The following NRG3 variants were observed in gnomAD, a reference collection of about 807,000 sequenced individuals.
NRG3 encodes pro-neuregulin-3, membrane-bound isoform.
NRG3 carries 31 observed loss-of-function variants against 66.9 expected under a neutral mutation model. The ratio of observed to expected loss-of-function variants is 0.46; its 90% CI spans 0.35 to 0.63. The LOEUF (loss-of-function observed/expected upper bound fraction) is 0.63. NRG3 is among the 20% of genes least tolerant of loss of function. The pLI is 0.00. For missense variants in NRG3, 910 were observed against 878.9 expected, an observed-to-expected ratio of 1.04 and a Z score of -0.45; for synonymous variants, 393 against 359.4, an observed-to-expected ratio of 1.09 and a Z score of -1.06.
intron 1 of NRG3, among the ~76,000 whole-genome samples, chr10:81,981,872 T>C (rs2060344826): frequency 6.6e-6 from 1 of 152,196 alleles, no homozygotes; most frequent in African/African-American, 2.4e-5. Flanking sequence ...GCCGACAGTG[T>C]TTTCTGCTGA....
chr10:82,252,262 C>A (rs1451305175), intron 1 of NRG3, among the ~76,000 whole-genome samples: 1 of 152,050 alleles, frequency 6.6e-6, no homozygotes, highest in Non-Finnish European at 1.5e-5. Context: ...AAATTTTTTT[C>A]CCTTGTGTTT....
intron 2 of NRG3, among the ~76,000 whole-genome samples, chr10:82,429,523 G>A (rs1343210649): frequency 6.6e-6 from 1 of 151,982 alleles, no homozygotes; most frequent in African/African-American, 2.4e-5. Context: ...CTTGTGTACT[G>A]TAAATTTTGT....
rs557982875 is a variant in NRG3, at chr10:82,488,716, C to T, written c.953+129848C>T. Among the ~76,000 whole-genome samples the T allele has an allele frequency of 2.0e-5, 3 of 152,240 alleles. No individual in the cohort carries two copies. In the East Asian group the frequency reaches 5.8e-4, roughly 30 times the overall value. Reference sequence around the variant, plus strand: ...CACTCCAACTCTGGGGGCTGTGAAGCCATCTCCAGGGATGGCATGACCAGT... The same window carrying T: ...CACTCCAACTCTGGGGGCTGTGAAGTCATCTCCAGGGATGGCATGACCAGT... On this transcript the variant is annotated intron_variant, in intron 2 of 8. Transcript: ENST00000372141.
intron 1 of NRG3, among the ~76,000 whole-genome samples, chr10:81,919,931 T>C (rs571805628): frequency 2.0e-5 from 3 of 152,330 alleles, no homozygotes; most frequent in African/African-American, 7.2e-5. Flanking sequence ...GTTTTCTTTC[T>C]TGATTTTGTT....
intron 2 of NRG3, among the ~76,000 whole-genome samples, chr10:82,611,513 G>A (rs1382340631): frequency 3.3e-5 from 5 of 152,106 alleles, no homozygotes; most frequent in African/African-American, 7.2e-5. Context: ...GTGAGAATAT[G>A]TGGTGTTTGG....
At chr10:82,049,575 T>G (rs1424822858) in intron 1 of NRG3, among the ~76,000 whole-genome samples, 1 of 152,144 alleles carries the variant, frequency 6.6e-6, no homozygotes, top group Non-Finnish European at 1.5e-5. Context: ...TTTATGTTGT[T>G]TCTGCTTTTT....
intron 3 of NRG3, among the ~76,000 whole-genome samples, chr10:82,773,350 G>T (rs926505243): frequency 2.6e-5 from 4 of 152,072 alleles, no homozygotes; most frequent in African/African-American, 9.7e-5. Context: ...TGAAAATGAG[G>T]CCAAAATGAA....
chr10:82,657,820 C>T (rs893685340), intron 2 of NRG3, among the ~76,000 whole-genome samples: 1 of 150,528 alleles, frequency 6.6e-6, no homozygotes, highest in African/African-American at 2.4e-5. Context: ...TACTAGAGTT[C>T]GTTCATGAAA....
chr10:82,405,454 G>GTTTTTTTTT (rs779040062), intron 2 of NRG3, among the ~76,000 whole-genome samples: 4 of 139,916 alleles, frequency 2.9e-5, no homozygotes, highest in African/African-American at 2.9e-5. Context: ...GATCTCAGTA[G>GTTTTTTTTT]TTTGTTTTTT....
chr10:82,614,007 A>G (rs959247503), intron 2 of NRG3, among the ~76,000 whole-genome samples: 1 of 151,962 alleles, frequency 6.6e-6, no homozygotes, highest in Non-Finnish European at 1.5e-5. Flanking sequence ...GGTTCAAGCA[A>G]TTCTGCCTCA....
rs889727953 is a variant in NRG3, at chr10:82,347,156, G to A, written c.824-11583G>A. On this transcript the variant is annotated intron_variant, in intron 1 of 8. Transcript: ENST00000372141. The stretch of plus-strand genomic sequence containing the variant: ...CTTTTCTAGTTCTTTTAATTGTGAT[G>A]TTAGGGTGTCAATTTTGGATCTTTC... Among the ~76,000 whole-genome samples the A allele has an allele frequency of 7.2e-4, 107 of 148,220 alleles. 1 individual carries two copies. The highest frequency in any genetic ancestry group is 1.0e-4 in the Non-Finnish European group (7 of 67,350).
chr10:82,223,645 ACACAC>A (rs2076040267), intron 1 of NRG3, among the ~76,000 whole-genome samples: 9 of 38,896 alleles, frequency 2.3e-4, no homozygotes, highest in African/African-American at 4.0e-4. Context: ...CACCCCAAAC[ACACAC>A]ACACACACAC....
chr10:82,639,765 AT>A (rs980544087), intron 2 of NRG3, among the ~76,000 whole-genome samples: 43 of 152,148 alleles, frequency 2.8e-4, no homozygotes, highest in African/African-American at 9.9e-4. Context: ...AGCCCTGATT[AT>A]TTTTTTAATT....
intron 1 of NRG3, among the ~76,000 whole-genome samples, chr10:82,222,165 T>G (rs1466528277): frequency 6.6e-6 from 1 of 152,064 alleles, no homozygotes; most frequent in Admixed American, 6.6e-5. Context: ...TACCTTATGG[T>G]ATTTTACCTT....
chr10:82,203,592 AG>A (rs1222995005), intron 1 of NRG3, among the ~76,000 whole-genome samples: 1 of 152,148 alleles, frequency 6.6e-6, no homozygotes, highest in Non-Finnish European at 1.5e-5. Context: ...TCATTTTTTC[AG>A]GGGTGACTTC....
chr10:82,350,044 GCTGTAGA>G (rs2083331508), intron 1 of NRG3, among the ~76,000 whole-genome samples: 1 of 152,188 alleles, frequency 6.6e-6, no homozygotes, highest in African/African-American at 2.4e-5. Flanking sequence ...CACGCTGGGA[GCTGTAGA>G]CCAGGGCTGT....
At chr10:82,679,971 T>A (rs1039394179) in intron 2 of NRG3, among the ~76,000 whole-genome samples, 1 of 152,216 alleles carries the variant, frequency 6.6e-6, no homozygotes, top group Non-Finnish European at 1.5e-5. Flanking sequence ...TTTGATATGA[T>A]CATATAGTAT....
intron 1 of NRG3, among the ~76,000 whole-genome samples, chr10:82,280,190 C>A (rs554368102): frequency 9.3e-5 from 14 of 151,284 alleles, no homozygotes; most frequent in African/African-American, 3.4e-4. Flanking sequence ...TGAAAAAAAT[C>A]TTTATTTTCT....
intron 1 of NRG3, among the ~76,000 whole-genome samples, chr10:81,941,259 T>G (rs1291976224): frequency 6.6e-6 from 1 of 152,118 alleles, no homozygotes; most frequent in Non-Finnish European, 1.5e-5. Flanking sequence ...TTATGCATTT[T>G]TGTTATTGAA....
Sources: gnomAD v4.1 joint callset for allele counts (sites outside exome capture counted in the v4.1 genomes callset) on GRCh38, gnomAD v4.1.1 for gene constraint, MANE v1.5 for transcripts, NCBI Gene and HGNC (gene_info 2026-07-23, HGNC 2026-07-21) for gene names.